The following ETFA variants were observed in gnomAD, a reference collection of about 807,000 sequenced individuals.
ETFA encodes the protein electron transfer flavoprotein subunit alpha, mitochondrial.
A neutral mutation model predicts 46.2 loss-of-function variants in ETFA; 22 were observed. The observed-to-expected ratio is 0.48, with a 90% CI of 0.34 to 0.68. The LOEUF is 0.68. ETFA is among the 30% of genes least tolerant of loss of function. ETFA has a pLI of 0.01. For synonymous variants in ETFA, 131 were observed against 139.9 expected, an observed-to-expected ratio of 0.94 and a Z score of 0.45; for missense variants, 345 against 401.1, an observed-to-expected ratio of 0.86 and a Z score of 1.19.
chr15:76,259,480 T>C, intron 9 of ETFA: 1 of 865,836 alleles, frequency 1.2e-6, no homozygotes, highest in Non-Finnish European at 2.0e-6. Flanking sequence ...TTCCCGCCAA[T>C]GAGGTAGTTG....
At chr15:76,269,092 C>A (rs2039502360) in intron 9 of ETFA, among the ~76,000 whole-genome samples, 1 of 152,220 alleles carries the variant, frequency 6.6e-6, no homozygotes, top group Non-Finnish European at 1.5e-5. Context: ...TCTACACTTG[C>A]AGATTTTGTT....
rs886051488 is a variant in ETFA at position 76,274,482 on chromosome 15, C to T, written c.746G>A (p.Arg249His). The T allele has an allele frequency of 2.9e-5, 47 of 1,611,238 alleles. No homozygotes were observed. The highest frequency in any genetic ancestry group is 3.8e-5 in the Non-Finnish European group (45 of 1,178,420). Residue 249 changes from arginine (R) to histidine (H), a missense_variant, in exon 9 of 12, where the codon CGT (arginine) becomes CAT (histidine). By Grantham distance (29) the Arg-to-His change is conservative (BLOSUM62 0). Transcript: ENST00000557943. ...DQLHAAVGAS[R>H]AAVDAGFVPN... is the part of the protein sequence containing the mutation. ...AACAAAGCCAGCATCAACAGCAGCACGGGAAGCACCAACTAAGGGGAAAAA... is the reference window on the plus strand; with the variant it reads ...AACAAAGCCAGCATCAACAGCAGCATGGGAAGCACCAACTAAGGGGAAAAA...
chr15:76,275,855 C>T (rs1254240124), intron 8 of ETFA, among the ~76,000 whole-genome samples: 1 of 152,148 alleles, frequency 6.6e-6, no homozygotes, highest in Non-Finnish European at 1.5e-5. Flanking sequence ...GTGCAAGTAC[C>T]ACTTAATAGC....
In ETFA at chr15:76,240,413, T is replaced by C. The variant is rs868635465; in HGVS notation, c.817-9015A>G. ...AGCCTACCTTTTCTCCCAGGACATA[T>C]AGGGAACTAAGCAAATGTCTTCTTC... On this transcript the variant is annotated intron_variant, in intron 9 of 11. Transcript: ENST00000557943. 8.5e-5 allele frequency among the ~76,000 whole-genome samples: 13 copies of C among 152,302 alleles called. No individual in the cohort carries two copies. The Middle Eastern group carries it at 0.01, about 120-fold the overall frequency.
intron 9 of ETFA, among the ~76,000 whole-genome samples, chr15:76,239,984 C>T (rs1223885512): frequency 6.6e-6 from 1 of 152,176 alleles, no homozygotes; most frequent in Admixed American, 6.5e-5. Context: ...CACACACATG[C>T]ACCAGCTGGA....
intron 5 of ETFA, 89 bp downstream of exon 5, chr15:76,287,757 G>T: frequency 1.0e-6 from 1 of 989,954 alleles, no homozygotes; most frequent in Non-Finnish European, 1.6e-6. Context: ...GCAATTGTAT[G>T]GTTTGATTTA....
chr15:76,272,868 GGCTCAA>G (rs958733589), intron 9 of ETFA, among the ~76,000 whole-genome samples: 5 of 149,424 alleles, frequency 3.3e-5, no homozygotes, highest in Non-Finnish European at 5.9e-5. Flanking sequence ...TGTCAAGGAA[GGCTCAA>G]GCTCATCTGC....
chr15:76,249,286 G>A (rs1240759015), intron 9 of ETFA, among the ~76,000 whole-genome samples: 2 of 151,762 alleles, frequency 1.3e-5, no homozygotes, highest in African/African-American at 4.8e-5. Flanking sequence ...GTGCCGCCAC[G>A]CCTGGCTAAT....
chr15:76,291,510 G>T (rs542639085), intron 4 of ETFA, among the ~76,000 whole-genome samples: 2 of 150,510 alleles, frequency 1.3e-5, no homozygotes, highest in South Asian at 2.1e-4. Flanking sequence ...CAGTACTTTG[G>T]GGGGCCGAGG....
chr15:76,251,979 C>A (rs981275879), intron 9 of ETFA, among the ~76,000 whole-genome samples: 10 of 152,070 alleles, frequency 6.6e-5, no homozygotes, highest in African/African-American at 1.9e-4. Context: ...AGGGATATAT[C>A]TCTCTCTCTG....
intron 9 of ETFA, among the ~76,000 whole-genome samples, chr15:76,273,564 A>T (rs2039561806): frequency 6.7e-6 from 1 of 150,332 alleles, no homozygotes; most frequent in African/African-American, 2.5e-5. Context: ...AAACAAAACA[A>T]AACAAAACAA....
chr15:76,248,883 TA>T (rs200384853), intron 9 of ETFA, among the ~76,000 whole-genome samples: 24 of 131,360 alleles, frequency 1.8e-4, no homozygotes, highest in South Asian at 2.5e-4. Flanking sequence ...TCTCAAAAAA[TA>T]AAAAAAAAAA....
intron 9 of ETFA, among the ~76,000 whole-genome samples, chr15:76,262,314 C>A (rs978315627): frequency 8.0e-5 from 12 of 150,256 alleles, no homozygotes; most frequent in Non-Finnish European, 1.3e-4. Flanking sequence ...ACTAGAGTCC[C>A]AGAACAAAAG....
At chr15:76,257,120 CA>C (rs2039352809) in intron 9 of ETFA, among the ~76,000 whole-genome samples, 1 of 152,176 alleles carries the variant, frequency 6.6e-6, no homozygotes, top group Non-Finnish European at 1.5e-5. Flanking sequence ...CAGCAACTAA[CA>C]GCTTGGAAAT....
At chr15:76,272,230 T>C (rs1446440476) in intron 9 of ETFA, among the ~76,000 whole-genome samples, 5 of 151,172 alleles carry the variant, frequency 3.3e-5, no homozygotes, top group Admixed American at 2.0e-4. Flanking sequence ...TTCTTTTTTT[T>C]TTTTTTTTGG....
chr15:76,219,349 A>G (rs1239858936), intron 11 of ETFA, among the ~76,000 whole-genome samples: 1 of 152,228 alleles, frequency 6.6e-6, no homozygotes, highest in African/African-American at 2.4e-5. Context: ...CAACCTAAAT[A>G]TATGAGCTAA....
rs112895021 is a variant in ETFA at position 76,291,473 on chromosome 15, A to G, written c.351+958T>C. ...AAAAAAAAAAAAAAAAAAGTAGGCC[A>G]GGCGCGGTGGCTCACGCCTGTAATC... is the stretch of plus-strand genomic sequence containing the variant. On this transcript the variant is annotated intron_variant, in intron 4 of 11. Transcript: ENST00000557943. Among the ~76,000 whole-genome samples, 640 of 142,886 alleles carry G rather than the reference A, an allele frequency of 4.5e-3. 6 individuals are homozygous for G. Among genetic ancestry groups the G allele is most frequent in the African/African-American group, 0.016 (606 of 38,822 alleles). The allele number at this position is 142,886 out of a possible 152,430, so 93.7% of individuals were successfully genotyped here. A position where few individuals can be genotyped will look rare whatever the true frequency, so the allele number is the denominator to read the frequency against.
intron 11 of ETFA, among the ~76,000 whole-genome samples, chr15:76,217,370 C>A (rs1446211480): frequency 6.6e-6 from 1 of 152,208 alleles, no homozygotes; most frequent in Non-Finnish European, 1.5e-5. Flanking sequence ...ATTCATTGTT[C>A]ATTTCACAAA....
At chr15:76,309,890 G>A (rs1404267097) in intron 1 of ETFA, 1 of 152,316 alleles carries the variant, frequency 6.6e-6, no homozygotes. Context: ...CTCTTTAGGG[G>A]AGGGGAGGGT....
Sources: allele counts gnomAD v4.1 joint callset (sites outside exome capture counted in the v4.1 genomes callset), GRCh38; gene constraint gnomAD v4.1.1; transcripts MANE v1.5; gene names NCBI Gene and HGNC (gene_info 2026-07-23, HGNC 2026-07-21).